The following SOX17 variants were observed in gnomAD, a reference collection of about 807,000 sequenced individuals.
SOX17 encodes the protein SRY-box transcription factor 17.
In SOX17, 4 loss-of-function variants were observed where a neutral mutation model predicts 16.0. That is an observed-to-expected ratio of 0.25 (90% CI 0.12 to 0.57). The LOEUF is 0.57. Ranked by LOEUF, SOX17 falls within the 20% of genes least tolerant of loss-of-function variation. The pLI is 0.92. For missense variants in SOX17, 633 were observed against 609.7 expected (o/e 1.04, Z -0.40); for synonymous variants, 357 against 284.6 (o/e 1.25, Z -2.56).
At position 54,459,979 on chromosome 8, in the gene SOX17, A is replaced by C. The variant is rs765921641; in HGVS notation, c.1229A>C (p.Asn410Thr). 6.2e-7 allele frequency: 1 copy of C among 1,613,778 alleles called. No homozygotes were observed. The highest frequency in any genetic ancestry group is 8.5e-7 in the Non-Finnish European group (1 of 1,180,036). The part of the protein sequence containing the change: ...SDASSAVYYC[N>T]YPDV Reference sequence around the variant, plus strand: ...GCCAGCTCCGCGGTATATTACTGCAACTATCCTGACGTGTGACAGGTCCCT... The same window carrying C: ...GCCAGCTCCGCGGTATATTACTGCACCTATCCTGACGTGTGACAGGTCCCT... Residue 410 changes from asparagine (N) to threonine (T), a missense_variant, in exon 2 of 2, where the codon AAC becomes ACC. Physicochemically the swap from Asn to Thr is moderately conservative, Grantham distance 65. Coordinates refer to ENST00000297316, the MANE Select transcript of SOX17 (RefSeq NM_022454.4).
At position 54,458,015 on chromosome 8, in the gene SOX17, G is replaced by A; in HGVS notation, c.-124G>A. 8.4e-7 allele frequency: 1 copy of A among 1,196,384 alleles called. No individual in the cohort carries two copies. Among genetic ancestry groups the A allele is most frequent in the Non-Finnish European group, 1.1e-6 (1 of 899,720 alleles). 74.1% of individuals were successfully genotyped at this position (1,196,384 alleles called of 1,614,324 possible). On this transcript the variant is annotated 5_prime_UTR_variant, in exon 1 of 2. Transcript: ENST00000297316. ...AGGCCAGAACACGGGCGGCGGCTTC[G>A]GGCCGGGAGACCCGCGCAGCCCTCG...
Position 54,458,203 on chromosome 8 carries a change from C to T in SOX17, c.65C>T (p.Ala22Val), listed in dbSNP as rs757830070. 3.1e-6 allele frequency: 5 copies of T among 1,591,858 alleles called. No homozygotes were observed. The highest frequency in any genetic ancestry group is 1.7e-5 in the Admixed American group (1 of 57,266). Residue 22 changes from alanine (A) to valine (V), a missense_variant, in exon 1 of 2, where the codon GCG becomes GTG. Around this residue, in one of 5 missense-constraint regions of SOX17, gnomAD observed 94 missense variants for 98.7 expected, o/e 0.95. Coordinates refer to ENST00000297316, the MANE Select transcript of SOX17 (RefSeq NM_022454.4). ...AGCCAGACCCAGAGCGCGCTGCCCG[C>T]GGTGATGGCCGGGCTGGGCCCCTGC... ...DQSQTQSALPAVMAGLGPCPW... is the reference protein window; with the variant it reads ...DQSQTQSALPVVMAGLGPCPW...
rs749843458 is a variant in SOX17, at chr8:54,458,450, G to GT, written c.307+6dup. The GT allele has an allele frequency of 6.2e-6, 10 of 1,612,684 alleles. No individual in the cohort carries two copies. In the South Asian group the frequency reaches 9.9e-5, roughly 16 times the overall value. On this transcript the variant is annotated splice_donor_region_variant and intron_variant, in intron 1 of 1. Transcript: ENST00000297316. ...CCGAGTTGAGCAAGATGCTGGGTGA[G>GT]TCCGAGTCGCAGACCCAGGCGGCCG...
rs1157951018 is a variant in SOX17 at position 54,459,794 on chromosome 8, C to A, written c.1044C>A (p.Pro348=). ...TGCCCTGCCGGGACGGCACGGACCC[C>A]AGTCAGCCCGCCGAGCTCCTCGGGG... The part of the protein sequence containing the change: ...EALPCRDGTD[P]SQPAELLGEV... The change falls in exon 2 of 2, where the codon CCC becomes CCA. Residue 348 remains proline (P), a synonymous_variant. Transcript: ENST00000297316. 3 of 1,607,728 alleles carry A rather than the reference C, an allele frequency of 1.9e-6. No individual in the cohort carries two copies. The African/African-American group carries it at 4.0e-5, about 21-fold the overall frequency.
At chr8:54,458,662 C>A (rs894846601) in intron 1 of SOX17, among the ~76,000 whole-genome samples, 1 of 152,128 alleles carries the variant, frequency 6.6e-6, no homozygotes, top group Non-Finnish European at 1.5e-5. Context: ...CCGGATTCCC[C>A]AGGTGGCCGG....
In SOX17 at chr8:54,458,228, C is replaced by A. The variant is rs1410297980; in HGVS notation, c.90C>A (p.Cys30Ter). ...CGGTGATGGCCGGGCTGGGCCCCTG[C>A]CCCTGGGCCGAGTCGCTGAGCCCCA... ...LPAVMAGLGP[C>*]PWAESLSPIG... The change falls in exon 1 of 2, where the codon TGC (cysteine) becomes TGA (stop). Residue 30 changes from cysteine to a stop codon, truncating the protein, a stop_gained. Transcript: ENST00000297316. LOFTEE classifies it high-confidence loss of function. 1 of 1,596,954 alleles carries A rather than the reference C, an allele frequency of 6.3e-7. No homozygotes were observed. Among genetic ancestry groups the A allele is most frequent in the Non-Finnish European group, 8.5e-7 (1 of 1,173,420 alleles).
In SOX17 at chr8:54,458,030, CGCA is replaced by C; in HGVS notation, c.-106_-104del. The C allele has an allele frequency of 7.8e-7, 1 of 1,285,696 alleles. No individual in the cohort carries two copies. The highest frequency in any genetic ancestry group is 1.0e-6 in the Non-Finnish European group (1 of 979,652). The allele number at this position is 1,285,696 out of a possible 1,614,324, so 79.6% of individuals were successfully genotyped here. On this transcript the variant is annotated 5_prime_UTR_variant, in exon 1 of 2. Coordinates refer to ENST00000297316, the MANE Select transcript of SOX17 (RefSeq NM_022454.4). ...CGGCGGCTTCGGGCCGGGAGACCCG[CGCA>C]GCCCTCGGGGCATCTCAGTGCCTCA...
chr8:54,460,203 A>T lies in SOX17; in HGVS notation c.*208A>T. The T allele has an allele frequency of 1.6e-6, 1 of 619,746 alleles. No homozygotes were observed. Among genetic ancestry groups the T allele is most frequent in the Non-Finnish European group, 2.8e-6 (1 of 355,120 alleles). 38.4% of individuals were successfully genotyped at this position (619,746 alleles called of 1,614,324 possible). On this transcript the variant is annotated 3_prime_UTR_variant, in exon 2 of 2. Transcript: ENST00000297316. ...GGTTTCATTTAAAATTTGTTCAGAG[A>T]TTTGTTTCCCATAGTTGGATTGTCA...
chr8:54,458,717 C>G (rs1804678263), intron 1 of SOX17, among the ~76,000 whole-genome samples: 1 of 152,216 alleles, frequency 6.6e-6, no homozygotes, highest in Admixed American at 6.5e-5. Flanking sequence ...CCCGGCACCT[C>G]CGGGCGGCGC....
At position 54,459,590 on chromosome 8, in the gene SOX17, T is replaced by C. The variant is rs1358452466; in HGVS notation, c.840T>C (p.Gly280=). 21 of 1,539,650 alleles carry C rather than the reference T, an allele frequency of 1.4e-5. No homozygotes were observed. The highest frequency in any genetic ancestry group is 2.7e-5 in the African/African-American group (2 of 72,922). The change falls in exon 2 of 2, where the codon GGT becomes GGC. Residue 280 remains glycine, a synonymous_variant. Transcript: ENST00000297316. ...CCCGACTCGGCCCAGAGCCCGCGGG[T>C]CCCTCGATTCCGGGCCTCCTGGCGC... The part of the protein sequence containing the change: ...MHPRLGPEPA[G]PSIPGLLAPP...
chr8:54,458,081 C>G lies in SOX17; in HGVS notation c.-58C>G. 2.1e-6 allele frequency: 3 copies of G among 1,427,364 alleles called. No individual in the cohort carries two copies. Among genetic ancestry groups the G allele is most frequent in the Non-Finnish European group, 2.7e-6 (3 of 1,097,446 alleles). The allele number at this position is 1,427,364 out of a possible 1,614,324, so 88.4% of individuals were successfully genotyped here. On this transcript the variant is annotated 5_prime_UTR_variant, in exon 1 of 2. Transcript: ENST00000297316. ...TCACTCCCCACCCCCTCCCCCGGGT[C>G]GGGGGAGGCGGCGCGTCCGGCGGAG...
At position 54,458,131 on chromosome 8, in the gene SOX17, G is replaced by A; in HGVS notation, c.-8G>A. 1 of 1,537,884 alleles carries A rather than the reference G, an allele frequency of 6.5e-7. No individual in the cohort carries two copies. Among genetic ancestry groups the A allele is most frequent in the Non-Finnish European group, 8.7e-7 (1 of 1,149,796 alleles). The stretch of plus-strand genomic sequence containing the variant: ...GGGTTGAGGGGAGCGGGGCAGGCCT[G>A]GAGCGCCATGAGCAGCCCGGATGCG... On this transcript the variant is annotated 5_prime_UTR_variant, in exon 1 of 2. Transcript: ENST00000297316.
Position 54,460,624 on chromosome 8 carries a change from A to G in SOX17, c.*629A>G, listed in dbSNP as rs1804727736. 4.3e-6 allele frequency: 1 copy of G among 232,670 alleles called. No individual in the cohort carries two copies. The highest frequency in any genetic ancestry group is 8.5e-6 in the Non-Finnish European group (1 of 117,912). 14.4% of individuals were successfully genotyped at this position (232,670 alleles called of 1,614,324 possible). A position where few individuals can be genotyped will look rare whatever the true frequency, so the allele number is the denominator to read the frequency against. On this transcript the variant is annotated 3_prime_UTR_variant, in exon 2 of 2. Transcript: ENST00000297316. ...TCTTAGTTTCTAAAACTAACAGTTAATATTTTCAATTCCAGTATATCACTT... is the reference window on the plus strand; with the variant it reads ...TCTTAGTTTCTAAAACTAACAGTTAGTATTTTCAATTCCAGTATATCACTT...
At chr8:54,458,522 G>T in intron 1 of SOX17, 77 bp downstream of exon 1, 4 of 1,551,016 alleles carry the variant, frequency 2.6e-6, no homozygotes, top group Non-Finnish European at 3.5e-6. Context: ...ACCCCAAACT[G>T]TTCTTTGCGA....
At position 54,459,045 on chromosome 8, in the gene SOX17, T is replaced by G. The variant is rs752415066; in HGVS notation, c.308-13T>G. On this transcript the variant is annotated splice_polypyrimidine_tract_variant and intron_variant, in intron 1 of 1. Transcript: ENST00000297316. ...AGCCCTGCGCCCCTCTCCCCCTTCC[T>G]TCCACTGTGCAGGCAAGTCGTGGAA... 6.3e-7 allele frequency: 1 copy of G among 1,591,710 alleles called. No individual in the cohort carries two copies. Among genetic ancestry groups the G allele is most frequent in the South Asian group, 1.1e-5 (1 of 88,428 alleles).
Position 54,460,115 on chromosome 8 carries a change from T to C in SOX17, c.*120T>C, listed in dbSNP as rs1804718544. ...GTTGCTGTTGTTGTTTTTTAAAAGG[T>C]GTGTTGGCATATAATTTATGGTAAT... is the stretch of plus-strand genomic sequence containing the variant. On this transcript the variant is annotated 3_prime_UTR_variant, in exon 2 of 2. Transcript: ENST00000297316. The C allele has an allele frequency of 9.9e-7, 1 of 1,011,258 alleles. No homozygotes were observed. Among genetic ancestry groups the C allele is most frequent in the African/African-American group, 1.6e-5 (1 of 62,988 alleles). 62.6% of individuals were successfully genotyped at this position (1,011,258 alleles called of 1,614,324 possible).
rs1804674332 is a variant in SOX17, at chr8:54,458,516, CAA to C, written c.307+73_307+74del. Reference sequence around the variant, plus strand: ...ATCGCTAGGCCGATTTCTTAAACCCCAAACTGTTCTTTGCGAGCCTGACGCCC... The same window carrying C: ...ATCGCTAGGCCGATTTCTTAAACCCCACTGTTCTTTGCGAGCCTGACGCCC... On this transcript the variant is annotated intron_variant, in intron 1 of 1. Coordinates refer to ENST00000297316, the MANE Select transcript of SOX17 (RefSeq NM_022454.4). 6 of 1,562,876 alleles carry C rather than the reference CAA, an allele frequency of 3.8e-6. No homozygotes were observed. The South Asian group carries it at 6.9e-5, about 18-fold the overall frequency.
chr8:54,458,854 C>CAA lies in SOX17; in HGVS notation c.308-201_308-200dup, dbSNP rs1252312239. Among the ~76,000 whole-genome samples the CAA allele has an allele frequency of 9.2e-5, 14 of 152,306 alleles. No individual in the cohort carries two copies. The East Asian group carries it at 2.7e-3, about 30-fold the overall frequency. On this transcript the variant is annotated intron_variant, in intron 1 of 1. Transcript: ENST00000297316. ...GAGCGGAAAGCCGCTTCCAGGAGAC[C>CAA]AAAAGAAAGGGGTGCCTTTAGAGGA...
Position 54,459,909 on chromosome 8 carries a change from A to C in SOX17, c.1159A>C (p.Asn387His). The C allele has an allele frequency of 6.2e-7, 1 of 1,613,814 alleles. No individual in the cohort carries two copies. The highest frequency in any genetic ancestry group is 8.5e-7 in the Non-Finnish European group (1 of 1,180,022). ...LPYQGHDSGV[N>H]LPDSHGAISS... ...CTACCAGGGGCATGACTCCGGTGTG[A>C]ATCTCCCCGACAGCCACGGGGCCAT... The change falls in exon 2 of 2, where the codon AAT (asparagine) becomes CAT (histidine). Residue 387 changes from asparagine to histidine, a missense_variant. By Grantham distance (68) the Asn-to-His change is moderately conservative. Coordinates refer to ENST00000297316, the MANE Select transcript of SOX17 (RefSeq NM_022454.4).
Sources: gnomAD v4.1 joint callset for allele counts (sites outside exome capture counted in the v4.1 genomes callset) on GRCh38, gnomAD v4.1.1 for gene constraint, gnomAD v4.1.1 regional missense constraint, MANE v1.5 for transcripts, NCBI Gene and HGNC (gene_info 2026-07-23, HGNC 2026-07-21) for gene names.